ROBO2: variants seen among roughly 807,000 people sequenced by gnomAD.
The protein encoded by ROBO2 is roundabout homolog 2.
A neutral mutation model predicts 160.8 loss-of-function variants in ROBO2; 53 were observed. The ratio of observed to expected loss-of-function variants is 0.33; its 90% CI spans 0.26 to 0.41. The LOEUF is 0.41. Among genes scored for constraint, ROBO2 ranks in the 10% least tolerant of loss-of-function variants. ROBO2 has a pLI of 1.00. For missense variants in ROBO2, 1,577 were observed against 1,722.4 expected, an observed-to-expected ratio of 0.92 and a Z score of 1.49; for synonymous variants, 664 against 611.7, an observed-to-expected ratio of 1.09 and a Z score of -1.26.
intron 21 of ROBO2, among the ~76,000 whole-genome samples, chr3:77,608,564 G>A (rs2094568617): frequency 6.6e-6 from 1 of 152,122 alleles, no homozygotes; most frequent in Non-Finnish European, 1.5e-5. Context: ...TTTCCCAAAT[G>A]TCTCACAAGA....
At position 76,285,306 on chromosome 3, in the gene ROBO2, T is replaced by A. The variant is rs1219411908; in HGVS notation, c.109+347704T>A. ...TAAAAGTTATTTTATTGCAAACAAC[T>A]AGTTATAAGCTTAAGTGCATCAACT... On this transcript the variant is annotated intron_variant, in intron 2 of 26. Coordinates refer to the ROBO2 transcript ENST00000487694. 2.6e-5 allele frequency among the ~76,000 whole-genome samples: 4 copies of A among 152,254 alleles called. No homozygotes were observed. In the East Asian group the frequency reaches 5.8e-4, roughly 22 times the overall value.
chr3:77,629,818 G>A (rs1419078353), intron 23 of ROBO2: 2 of 152,114 alleles, frequency 1.3e-5, no homozygotes, highest in Non-Finnish European at 2.9e-5. Flanking sequence ...TGAAAACGTT[G>A]AATGCATTTA....
At chr3:76,023,262 A>G (rs1005585932) in intron 2 of ROBO2, among the ~76,000 whole-genome samples, 1 of 151,678 alleles carries the variant, frequency 6.6e-6, no homozygotes, top group Admixed American at 6.6e-5. Flanking sequence ...AGCACTTTCA[A>G]TTACCTTCAA....
rs3821737 is a variant in ROBO2 at position 77,551,294 on chromosome 3, T to A, written c.1231+305T>A. ...ATGTAATCTGTATATTTTTATTTAG[T>A]CTTAGGCTGACATGATTGGCTCTAC... On this transcript the variant is annotated intron_variant, in intron 8 of 25. Coordinates refer to ENST00000461745, the Ensembl canonical transcript of ROBO2. Among the ~76,000 whole-genome samples, 84,923 of 151,738 alleles carry A rather than the reference T, an allele frequency of 0.56. 23,845 individuals are homozygous for A. Among genetic ancestry groups the A allele is most frequent in the Middle Eastern group, 0.68 (200 of 294 alleles).
chr3:76,954,744 G>A (rs1380324953), intron 2 of ROBO2, among the ~76,000 whole-genome samples: 2 of 152,126 alleles, frequency 1.3e-5, no homozygotes, highest in Non-Finnish European at 2.9e-5. Context: ...TTATGCAAAT[G>A]ACCTTTAAAA....
intron 2 of ROBO2, among the ~76,000 whole-genome samples, chr3:76,961,968 G>T (rs2079695821): frequency 6.6e-6 from 1 of 152,122 alleles, no homozygotes; most frequent in Non-Finnish European, 1.5e-5. Flanking sequence ...GGAGGCCAAG[G>T]CAAGCAGACC....
intron 16 of ROBO2, among the ~76,000 whole-genome samples, chr3:77,582,848 A>T (rs1403566815): frequency 6.6e-6 from 1 of 152,102 alleles, no homozygotes; most frequent in African/African-American, 2.4e-5. Context: ...TGCTCCATAA[A>T]TTCAGTCCCT....
intron 2 of ROBO2, among the ~76,000 whole-genome samples, chr3:77,169,258 G>A (rs1449623431): frequency 6.6e-6 from 1 of 152,020 alleles, no homozygotes; most frequent in Non-Finnish European, 1.5e-5. Flanking sequence ...TTGGAAACTT[G>A]GATTATTTCT....
intron 1 of ROBO2, among the ~76,000 whole-genome samples, chr3:75,914,839 T>G (rs1946743109): frequency 6.6e-6 from 1 of 152,194 alleles, no homozygotes; most frequent in African/African-American, 2.4e-5. Flanking sequence ...AGCCATGCTA[T>G]TCCTCAGAGC....
chr3:76,904,060 T>C (rs2075424433), intron 2 of ROBO2, among the ~76,000 whole-genome samples: 1 of 151,744 alleles, frequency 6.6e-6, no homozygotes. Context: ...TTAAGGATAA[T>C]TTTTTTTTGT....
chr3:76,215,247 CG>C (rs1481579055), intron 2 of ROBO2, among the ~76,000 whole-genome samples: 6 of 152,126 alleles, frequency 3.9e-5, no homozygotes, highest in Non-Finnish European at 8.8e-5. Flanking sequence ...CTCTAAAAAT[CG>C]AGCACCTCTC....
At chr3:77,518,805 G>A (rs1482026494) in intron 5 of ROBO2, among the ~76,000 whole-genome samples, 1 of 151,480 alleles carries the variant, frequency 6.6e-6, no homozygotes, top group African/African-American at 2.4e-5. Flanking sequence ...CTAATTCCTA[G>A]GAACTATGCT....
chr3:76,979,744 TACACACACAC>T (rs138996245), intron 2 of ROBO2, among the ~76,000 whole-genome samples: 7 of 147,472 alleles, frequency 4.7e-5, no homozygotes, highest in African/African-American at 7.5e-5. Context: ...TTACTTTTCT[TACACACACAC>T]ACACACACAC....
At chr3:77,430,773 T>A (rs1252910860) in intron 2 of ROBO2, among the ~76,000 whole-genome samples, 1 of 152,156 alleles carries the variant, frequency 6.6e-6, no homozygotes, top group Non-Finnish European at 1.5e-5. Context: ...ATTAATAAAT[T>A]GCCCAGTGTA....
intron 2 of ROBO2, among the ~76,000 whole-genome samples, chr3:77,214,568 A>T (rs1323575245): frequency 6.6e-6 from 1 of 152,174 alleles, no homozygotes; most frequent in Non-Finnish European, 1.5e-5. Context: ...TGGAGCATTT[A>T]GCCCCTTTAC....
intron 2 of ROBO2, among the ~76,000 whole-genome samples, chr3:76,354,597 T>G (rs923347988): frequency 1.3e-5 from 2 of 151,894 alleles, no homozygotes; most frequent in Non-Finnish European, 2.9e-5. Context: ...CAGTAATATA[T>G]TAAACCCTAA....
chr3:76,827,100 G>C (rs1288197228), intron 2 of ROBO2, among the ~76,000 whole-genome samples: 1 of 152,100 alleles, frequency 6.6e-6, no homozygotes, highest in Non-Finnish European at 1.5e-5. Context: ...GAGTTGCATT[G>C]GTATCGTTCA....
intron 2 of ROBO2, among the ~76,000 whole-genome samples, chr3:76,018,357 G>GAC (rs2066465252): frequency 6.6e-6 from 1 of 151,878 alleles, no homozygotes; most frequent in Non-Finnish European, 1.5e-5. Context: ...GAGTAGATTA[G>GAC]ACACACACAT....
At chr3:77,100,607 AC>A (rs946500873) in intron 2 of ROBO2, among the ~76,000 whole-genome samples, 61 of 152,140 alleles carry the variant, frequency 4.0e-4, no homozygotes, top group African/African-American at 1.4e-3. Context: ...TGGTGCATTC[AC>A]TTAGTTTATT....
Sources: allele counts gnomAD v4.1 joint callset (sites outside exome capture counted in the v4.1 genomes callset), GRCh38; gene constraint gnomAD v4.1.1; transcripts MANE v1.5; gene names NCBI Gene and HGNC (gene_info 2026-07-23, HGNC 2026-07-21).